The following ATRNL1 variants were observed in gnomAD, a reference collection of about 807,000 sequenced individuals.
ATRNL1 encodes the protein attractin-like protein 1.
Under a neutral mutation model 182.7 loss-of-function variants are expected in ATRNL1, and 95 were observed. That is an observed-to-expected ratio of 0.52 (90% CI 0.44 to 0.62). The LOEUF (loss-of-function observed/expected upper bound fraction) is 0.62. Ranked by LOEUF, ATRNL1 falls within the 20% of genes least tolerant of loss-of-function variation. ATRNL1 has a pLI of 0.00. For missense variants in ATRNL1, 1,471 were observed against 1,679.5 expected (o/e 0.88, Z 2.17); for synonymous variants, 576 against 568.3 (o/e 1.01, Z -0.19).
At chr10:115,298,295 T>C (rs1392538792) in intron 15 of ATRNL1, among the ~76,000 whole-genome samples, 1 of 152,208 alleles carries the variant, frequency 6.6e-6, no homozygotes, top group Non-Finnish European at 1.5e-5. Context: ...ATTTATGGTG[T>C]GCTGCAGTAA....
chr10:115,253,384 G>T (rs1267081764), intron 10 of ATRNL1, among the ~76,000 whole-genome samples: 1 of 152,086 alleles, frequency 6.6e-6, no homozygotes, highest in African/African-American at 2.4e-5. Flanking sequence ...AGTGAAGTGG[G>T]CCTGTGTTCC....
intron 26 of ATRNL1, among the ~76,000 whole-genome samples, chr10:115,645,814 C>T (rs1045241336): frequency 6.6e-6 from 1 of 151,852 alleles, no homozygotes; most frequent in Non-Finnish European, 1.5e-5. Flanking sequence ...TCTTGAAGCC[C>T]CACTCATTTC....
chr10:115,188,755 G>T (rs188924784), intron 8 of ATRNL1, among the ~76,000 whole-genome samples: 11 of 151,764 alleles, frequency 7.2e-5, no homozygotes, highest in Admixed American at 1.3e-4. Flanking sequence ...AAATTCTGTG[G>T]TGAATTTTAA....
chr10:115,600,966 C>T (rs1221820100), intron 26 of ATRNL1, among the ~76,000 whole-genome samples: 1 of 141,162 alleles, frequency 7.1e-6, no homozygotes. Context: ...TGGATGTCCA[C>T]ATTTTCTAGA....
chr10:115,128,864 GATAAACATACCTTTTCTTCA>G (rs1447513258), intron 4 of ATRNL1, among the ~76,000 whole-genome samples: 6 of 150,116 alleles, frequency 4.0e-5, no homozygotes, highest in African/African-American at 1.5e-4. Flanking sequence ...AGCTAAATAT[GATAAACATACCTTTTCTTCA>G]ATAACAGTGT....
intron 26 of ATRNL1, among the ~76,000 whole-genome samples, chr10:115,570,406 CTT>C (rs1410997841): frequency 1.3e-5 from 2 of 152,210 alleles, no homozygotes; most frequent in Admixed American, 1.3e-4. Flanking sequence ...AGTTTACAAA[CTT>C]TCTGACCATA....
intron 5 of ATRNL1, among the ~76,000 whole-genome samples, chr10:115,146,875 T>C (rs561238657): frequency 1.3e-5 from 2 of 152,056 alleles, no homozygotes; most frequent in Non-Finnish European, 1.5e-5. Context: ...TTTTGTCTGT[T>C]GAGGGACACT....
At chr10:115,613,996 T>C (rs1052300010) in intron 26 of ATRNL1, among the ~76,000 whole-genome samples, 18 of 152,010 alleles carry the variant, frequency 1.2e-4, no homozygotes, top group African/African-American at 4.8e-5. Context: ...TTGTATTATA[T>C]GGGGTTTTCT....
intron 28 of ATRNL1, among the ~76,000 whole-genome samples, chr10:115,900,535 G>A (rs1952323842): frequency 6.6e-6 from 1 of 152,186 alleles, no homozygotes; most frequent in Non-Finnish European, 1.5e-5. Context: ...TGCTTATGAT[G>A]TGCCAGATGC....
intron 10 of ATRNL1, among the ~76,000 whole-genome samples, chr10:115,262,885 CAA>C (rs1851449239): frequency 6.6e-6 from 1 of 151,904 alleles, no homozygotes; most frequent in Non-Finnish European, 1.5e-5. Flanking sequence ...GAATATAAAA[CAA>C]GAGGAACTGT....
intron 19 of ATRNL1, among the ~76,000 whole-genome samples, chr10:115,358,627 G>A (rs908184319): frequency 1.3e-5 from 2 of 151,438 alleles, no homozygotes; most frequent in East Asian, 1.9e-4. Context: ...ACCTATTTTA[G>A]TTATTATTTA....
At chr10:115,165,264 C>A (rs1846984303) in intron 6 of ATRNL1, among the ~76,000 whole-genome samples, 1 of 151,772 alleles carries the variant, frequency 6.6e-6, no homozygotes, top group Admixed American at 6.6e-5. Flanking sequence ...TTAGCTTAAT[C>A]AATTGATGGA....
At chr10:115,223,887 ATGTG>A (rs1185815693) in intron 9 of ATRNL1, among the ~76,000 whole-genome samples, 23 of 80,098 alleles carry the variant, frequency 2.9e-4, no homozygotes, top group East Asian at 1.4e-3. Flanking sequence ...TATTTAATAT[ATGTG>A]TGTGTGTGTG....
rs368619418 is a variant in ATRNL1, at chr10:115,290,875, T to A, written c.2415+4478T>A. On this transcript the variant is annotated intron_variant, in intron 15 of 28. Transcript: ENST00000355044. The stretch of plus-strand genomic sequence containing the variant: ...TCATTTACATAGTGAAGAAGCTGGC[T>A]GCCCTACCTTAATCTTTTATTATGT... Among the ~76,000 whole-genome samples the A allele has an allele frequency of 8.0e-4, 122 of 152,340 alleles. 2 individuals are homozygous for A. In the South Asian group the frequency reaches 0.025, roughly 31 times the overall value.
intron 15 of ATRNL1, among the ~76,000 whole-genome samples, chr10:115,289,003 A>G (rs1554920014): frequency 6.6e-6 from 1 of 152,194 alleles, no homozygotes. Context: ...TGATAAAGAC[A>G]TATCCGAGAC....
intron 27 of ATRNL1, among the ~76,000 whole-genome samples, chr10:115,773,642 C>T (rs974412204): frequency 6.6e-6 from 1 of 152,144 alleles, no homozygotes; most frequent in East Asian, 1.9e-4. Context: ...AGCTTAGAGC[C>T]CTTCTAAGAC....
At chr10:115,238,702 T>G (rs1850286184) in intron 9 of ATRNL1, among the ~76,000 whole-genome samples, 1 of 152,188 alleles carries the variant, frequency 6.6e-6, no homozygotes, top group Non-Finnish European at 1.5e-5. Flanking sequence ...AAAATACCAT[T>G]TTATTTCTTC....
At chr10:115,592,611 G>A (rs1330772966) in intron 26 of ATRNL1, among the ~76,000 whole-genome samples, 1 of 152,184 alleles carries the variant, frequency 6.6e-6, no homozygotes, top group African/African-American at 2.4e-5. Context: ...TTTCATGTAA[G>A]TGAACTCATA....
chr10:115,325,340 C>T (rs140073374), intron 18 of ATRNL1, among the ~76,000 whole-genome samples: 6 of 152,134 alleles, frequency 3.9e-5, no homozygotes, highest in Non-Finnish European at 5.9e-5. Context: ...CATTACCTGT[C>T]GATCTAACAC....
Sources: gnomAD v4.1 joint callset for allele counts (sites outside exome capture counted in the v4.1 genomes callset) on GRCh38, gnomAD v4.1.1 for gene constraint, MANE v1.5 for transcripts, NCBI Gene and HGNC (gene_info 2026-07-23, HGNC 2026-07-21) for gene names.